The following CCSER2 variants were observed in gnomAD, a reference collection of about 807,000 sequenced individuals.
CCSER2 encodes serine-rich coiled-coil domain-containing protein 2.
CCSER2 carries 46 observed loss-of-function variants against 92.3 expected under a neutral mutation model. The ratio of observed to expected loss-of-function variants is 0.50; its 90% CI spans 0.39 to 0.64. The LOEUF (loss-of-function observed/expected upper bound fraction) is 0.64. Ranked by LOEUF, CCSER2 falls within the 30% of genes least tolerant of loss-of-function variation. CCSER2 has a pLI of 0.00. For missense variants in CCSER2, 1,244 were observed against 1,238.9 expected, an observed-to-expected ratio of 1.00 and a Z score of -0.06; for synonymous variants, 433 against 431.4, an observed-to-expected ratio of 1.00 and a Z score of -0.04.
chr10:84,492,653 G>A (rs935126876), intron 9 of CCSER2, among the ~76,000 whole-genome samples: 2 of 152,140 alleles, frequency 1.3e-5, no homozygotes, highest in African/African-American at 4.8e-5. Context: ...TCTATTCCTA[G>A]ATTGCTAAGA....
chr10:84,514,074 C>G lies in CCSER2; in HGVS notation c.2951C>G (p.Pro984Arg), dbSNP rs1023715701. The change falls in exon 10 of 10, where the codon CCC becomes CGC. Residue 984 changes from proline to arginine, a missense_variant. Pro to Arg is a moderately radical substitution (Grantham distance 103). Coordinates refer to ENST00000372088, the MANE Select transcript of CCSER2 (RefSeq NM_001284240.2). ...QNLKASKLRP[P>R]SGSFKQKQTN... Reference sequence around the variant, plus strand: ...CTGAAAGCATCTAAGCTCCGCCCCCCCTCAGGCTCTTTCAAACAAAAACAA... The same window carrying G: ...CTGAAAGCATCTAAGCTCCGCCCCCGCTCAGGCTCTTTCAAACAAAAACAA... The G allele has an allele frequency of 1.4e-5, 21 of 1,536,280 alleles. No individual in the cohort carries two copies. The highest frequency in any genetic ancestry group is 9.6e-5 in the African/African-American group (7 of 73,130).
intron 6 of CCSER2, among the ~76,000 whole-genome samples, chr10:84,457,262 ATATTATATATAATATATT>A (rs1564684387): frequency 3.0e-5 from 1 of 33,558 alleles, no homozygotes; most frequent in African/African-American, 1.6e-4. Context: ...TATATAAAAT[ATATTATATATAATATATT>A]ATATATTATA....
At chr10:84,430,946 T>A (rs947765978) in intron 5 of CCSER2, among the ~76,000 whole-genome samples, 1 of 152,190 alleles carries the variant, frequency 6.6e-6, no homozygotes, top group Admixed American at 6.5e-5. Flanking sequence ...TATTTTTCTT[T>A]CTTTCCTTTT....
At chr10:84,385,578 CT>C (rs1308773790) in intron 3 of CCSER2, among the ~76,000 whole-genome samples, 5 of 152,152 alleles carry the variant, frequency 3.3e-5, no homozygotes, top group African/African-American at 9.6e-5. Flanking sequence ...AACTGCACCC[CT>C]GTCTCTCACT....
At chr10:84,332,436 A>ATATTTTT (rs1401635246) in intron 1 of CCSER2, among the ~76,000 whole-genome samples, 10 of 55,208 alleles carry the variant, frequency 1.8e-4, no homozygotes, top group East Asian at 1.3e-3. Context: ...ATATATATAT[A>ATATTTTT]TTTTTTTTTT....
intron 6 of CCSER2, among the ~76,000 whole-genome samples, chr10:84,448,536 A>C (rs1169465519): frequency 6.6e-6 from 1 of 152,228 alleles, no homozygotes; most frequent in Non-Finnish European, 1.5e-5. Context: ...TGGCTTGTTA[A>C]GAAAGGAATA....
rs1364663486 is a variant in CCSER2 at position 84,516,683 on chromosome 10, T to A, written c.*2416T>A. On this transcript the variant is annotated 3_prime_UTR_variant, in exon 10 of 10. Transcript: ENST00000372088. The stretch of plus-strand genomic sequence containing the variant: ...TTTATTGTCCATTACATAAAAATGT[T>A]GACTCCAGTAATTTATTTTTCTCTA... The A allele has an allele frequency of 1.3e-5, 2 of 152,222 alleles. No homozygotes were observed. The highest frequency in any genetic ancestry group is 4.8e-5 in the African/African-American group (2 of 41,458). The allele number at this position is 152,222 out of a possible 1,614,324, so 9.4% of individuals were successfully genotyped here.
At chr10:84,429,461 T>C (rs1043533792) in intron 5 of CCSER2, among the ~76,000 whole-genome samples, 1 of 152,132 alleles carries the variant, frequency 6.6e-6, no homozygotes, top group African/African-American at 2.4e-5. Context: ...TAATTTCTCT[T>C]TTATTTTGAA....
intron 8 of CCSER2, among the ~76,000 whole-genome samples, chr10:84,471,268 G>T (rs183035934): frequency 1.3e-3 from 196 of 152,026 alleles, no homozygotes; most frequent in African/African-American, 4.6e-3. Flanking sequence ...AAGGAACAAA[G>T]AAAATTTATG....
At chr10:84,430,018 G>A (rs959307884) in intron 5 of CCSER2, among the ~76,000 whole-genome samples, 5 of 151,874 alleles carry the variant, frequency 3.3e-5, no homozygotes, top group African/African-American at 7.3e-5. Flanking sequence ...AATATTTGAC[G>A]TCTTTGCTTG....
At chr10:84,425,696 C>A in intron 4 of CCSER2, 35 bp from the exon 5 acceptor site, 2 of 1,484,686 alleles carry the variant, frequency 1.3e-6, no homozygotes, top group Non-Finnish European at 1.8e-6. Flanking sequence ...GGAGTATGTA[C>A]ATGTTTATAG....
intron 3 of CCSER2, among the ~76,000 whole-genome samples, chr10:84,405,496 C>G (rs1564633408): frequency 6.6e-6 from 1 of 152,110 alleles, no homozygotes; most frequent in South Asian, 2.1e-4. Context: ...ACCAAAGATA[C>G]TGTCAAGAAA....
rs1846255781 is a variant in CCSER2, at chr10:84,464,093, CAA to C, written c.2148+78_2148+79del. 4.0e-6 allele frequency: 3 copies of C among 743,850 alleles called. No homozygotes were observed. The East Asian group carries it at 8.5e-5, about 21-fold the overall frequency. 46.1% of individuals were successfully genotyped at this position (743,850 alleles called of 1,614,324 possible). ...AATAATGATACAATGACAATGAAAA[CAA>C]TAATAAATGTATTAATACCTAAAGC... On this transcript the variant is annotated intron_variant, in intron 7 of 9. Coordinates refer to ENST00000372088, the MANE Select transcript of CCSER2 (RefSeq NM_001284240.2).
intron 9 of CCSER2, among the ~76,000 whole-genome samples, chr10:84,479,708 G>A (rs2133751646): frequency 6.6e-6 from 1 of 152,318 alleles, no homozygotes; most frequent in East Asian, 1.9e-4. Flanking sequence ...CCTCCAGTGT[G>A]CTTAAATGAT....
chr10:84,501,325 A>T (rs1281554103), intron 9 of CCSER2, among the ~76,000 whole-genome samples: 1 of 152,192 alleles, frequency 6.6e-6, no homozygotes, highest in Non-Finnish European at 1.5e-5. Context: ...TGTGGCCAGT[A>T]AACAGCAAGG....
At chr10:84,501,991 G>A (rs1390523184) in intron 9 of CCSER2, among the ~76,000 whole-genome samples, 2 of 146,730 alleles carry the variant, frequency 1.4e-5, no homozygotes, top group Admixed American at 7.0e-5. Context: ...CAGAGGGCCT[G>A]TTCACAGCCT....
intron 3 of CCSER2, among the ~76,000 whole-genome samples, chr10:84,407,892 CTT>C (rs942150984): frequency 6.6e-6 from 1 of 152,080 alleles, no homozygotes; most frequent in Non-Finnish European, 1.5e-5. Context: ...TTTGAAAAGA[CTT>C]AACTCACAAA....
chr10:84,488,587 T>A (rs1298138082), intron 9 of CCSER2, among the ~76,000 whole-genome samples: 1 of 152,194 alleles, frequency 6.6e-6, no homozygotes, highest in Non-Finnish European at 1.5e-5. Flanking sequence ...AGTGGTGATA[T>A]CCCCTGTATC....
chr10:84,345,744 CTTTAAT>C (rs1412413192), intron 1 of CCSER2, among the ~76,000 whole-genome samples: 1 of 151,988 alleles, frequency 6.6e-6, no homozygotes, highest in East Asian at 1.9e-4. Context: ...ATATAATGTA[CTTTAAT>C]TTTAAGGTGT....
Sources: gnomAD v4.1 joint callset for allele counts (sites outside exome capture counted in the v4.1 genomes callset) on GRCh38, gnomAD v4.1.1 for gene constraint, MANE v1.5 for transcripts, NCBI Gene and HGNC (gene_info 2026-07-23, HGNC 2026-07-21) for gene names.